NANP: variants seen among roughly 807,000 people sequenced by gnomAD.
NANP encodes N-acylneuraminate-9-phosphatase.
A neutral mutation model predicts 16.9 loss-of-function variants in NANP; 15 were observed. That is an observed-to-expected ratio of 0.89 (90% CI 0.59 to 1.37). The LOEUF (loss-of-function observed/expected upper bound fraction) is 1.37, where lower values mean the gene tolerates loss of function less well. NANP is among the 40% of genes most tolerant of loss of function. The pLI is 0.00. For synonymous variants in NANP, 135 were observed against 112.6 expected (o/e 1.20, Z -1.26); for missense variants, 290 against 303.5 (o/e 0.96, Z 0.33).
intron 1 of NANP, among the ~76,000 whole-genome samples, chr20:25,620,652 C>T (rs746929415): frequency 5.9e-5 from 9 of 152,172 alleles, no homozygotes; most frequent in Non-Finnish European, 7.3e-5. Context: ...CACTAACTTA[C>T]GCACACCCTT....
intron 1 of NANP, among the ~76,000 whole-genome samples, chr20:25,618,942 T>C (rs2065354241): frequency 6.6e-6 from 1 of 152,058 alleles, no homozygotes; most frequent in South Asian, 2.1e-4. Flanking sequence ...AAGTCAAACA[T>C]GCCAGGCAAT....
chr20:25,623,961 T>C lies in NANP; in HGVS notation c.-13A>G, dbSNP rs534649559. 20 of 1,611,024 alleles carry C rather than the reference T, an allele frequency of 1.2e-5. No individual in the cohort carries two copies. Among genetic ancestry groups the C allele is most frequent in the Non-Finnish European group, 1.6e-5 (19 of 1,179,122 alleles). On this transcript the variant is annotated 5_prime_UTR_variant, in exon 1 of 2. Transcript: ENST00000304788. Reference sequence around the variant, plus strand: ...GGCTCAGCCCCATAGCGCCGGCCGCTGGCGCGAACCGTAGCCTTGCCACCG... The same window carrying C: ...GGCTCAGCCCCATAGCGCCGGCCGCCGGCGCGAACCGTAGCCTTGCCACCG...
rs2065335967 is a variant in NANP, at chr20:25,614,805, T to A, written c.*1120A>T. The A allele has an allele frequency of 2.0e-5, 3 of 151,876 alleles. No homozygotes were observed. The South Asian group carries it at 6.2e-4, about 32-fold the overall frequency. 9.4% of individuals were successfully genotyped at this position (151,876 alleles called of 1,614,324 possible). ...GAATTCGAGACCAGCCTGGGCAACA[T>A]GGCAAAATCCCATCTCTACAAAAAC... is the stretch of plus-strand genomic sequence containing the variant. On this transcript the variant is annotated 3_prime_UTR_variant, in exon 2 of 2. Coordinates refer to ENST00000304788, the MANE Select transcript of NANP (RefSeq NM_152667.3).
In NANP at chr20:25,616,480, G is replaced by A. The variant is rs368325968; in HGVS notation, c.192C>T (p.Tyr64=). 7 of 1,613,782 alleles carry A rather than the reference G, an allele frequency of 4.3e-6. No homozygotes were observed. The highest frequency in any genetic ancestry group is 5.9e-6 in the Non-Finnish European group (7 of 1,179,944). ...VKLSKECFHP[Y]NTCITDLRTS... is the part of the protein sequence containing the mutation. ...TCCTTAAATCAGTAATGCATGTATT[G>A]TAAGGATGAAAACATTCCTTGCTGA... The change falls in exon 2 of 2, where the codon TAC becomes TAT. Residue 64 remains tyrosine, a synonymous_variant. Transcript: ENST00000304788.
At position 25,623,952 on chromosome 20, in the gene NANP, G is replaced by A. The variant is rs752356313; in HGVS notation, c.-4C>T. 11 of 1,611,626 alleles carry A rather than the reference G, an allele frequency of 6.8e-6. No homozygotes were observed. The highest frequency in any genetic ancestry group is 1.3e-5 in the African/African-American group (1 of 74,846). On this transcript the variant is annotated 5_prime_UTR_variant, in exon 1 of 2. Coordinates refer to ENST00000304788, the MANE Select transcript of NANP (RefSeq NM_152667.3). ...CCCGCACGCGGCTCAGCCCCATAGCGCCGGCCGCTGGCGCGAACCGTAGCC... is the reference window on the plus strand; with the variant it reads ...CCCGCACGCGGCTCAGCCCCATAGCACCGGCCGCTGGCGCGAACCGTAGCC...
At chr20:25,619,182 G>T (rs1218609390) in intron 1 of NANP, among the ~76,000 whole-genome samples, 1 of 149,172 alleles carries the variant, frequency 6.7e-6, no homozygotes, top group Non-Finnish European at 1.5e-5. Context: ...TGGATGGAGT[G>T]CAGTAGAGGA....
Position 25,616,476 on chromosome 20 carries a change from T to C in NANP, c.196A>G (p.Thr66Ala). 2 of 1,614,070 alleles carry C rather than the reference T, an allele frequency of 1.2e-6. No homozygotes were observed. The highest frequency in any genetic ancestry group is 1.7e-5 in the Admixed American group (1 of 60,026). The change falls in exon 2 of 2, where the codon ACA becomes GCA. Residue 66 changes from threonine to alanine, a missense_variant. Thr to Ala is a moderately conservative substitution (Grantham distance 58). Transcript: ENST00000304788. ...LSKECFHPYN[T>A]CITDLRTSHW... ...GAAGTCCTTAAATCAGTAATGCATG[T>C]ATTGTAAGGATGAAAACATTCCTTG...
rs776330487 is a variant in NANP at position 25,616,362 on chromosome 20, G to A, written c.310C>T (p.Arg104Cys). ...EECYFLWKST[R>C]LQHMTLAEDV... ...TCTGCTAGTGTCATATGCTGTAAAC[G>A]TGTAGATTTCCAAAGGAAATAACAT... The change falls in exon 2 of 2, where the codon CGT becomes TGT. Residue 104 changes from arginine (R) to cysteine (C), a missense_variant. Coordinates refer to ENST00000304788, the MANE Select transcript of NANP (RefSeq NM_152667.3). The A allele has an allele frequency of 5.0e-6, 8 of 1,614,106 alleles. No individual in the cohort carries two copies. In the East Asian group the frequency reaches 8.9e-5, roughly 18 times the overall value.
chr20:25,616,624 T>C, intron 1 of NANP, 43 bp from the exon 2 acceptor site: 5 of 1,428,968 alleles, frequency 3.5e-6, no homozygotes, highest in South Asian at 1.4e-5. Context: ...TGCATGTCTT[T>C]AGTAGTCATG....
In NANP at chr20:25,613,554, A is replaced by G; in HGVS notation, c.*2371T>C. 2 of 350,436 alleles carry G rather than the reference A, an allele frequency of 5.7e-6. No homozygotes were observed. Among genetic ancestry groups the G allele is most frequent in the Non-Finnish European group, 1.0e-5 (2 of 197,560 alleles). 21.7% of individuals were successfully genotyped at this position (350,436 alleles called of 1,614,324 possible). ...AACATCACCCATAATTTTAAGGAAT[A>G]TTATTCTAAAACAAAAAATATTAAT... On this transcript the variant is annotated 3_prime_UTR_variant, in exon 2 of 2. Coordinates refer to ENST00000304788, the MANE Select transcript of NANP (RefSeq NM_152667.3).
intron 1 of NANP, among the ~76,000 whole-genome samples, chr20:25,620,158 G>A (rs536562786): frequency 2.6e-5 from 4 of 152,248 alleles, no homozygotes; most frequent in Admixed American, 1.3e-4. Flanking sequence ...ATTAGTATGC[G>A]TTATTACAAA....
intron 1 of NANP, 147 bp downstream of exon 1, chr20:25,623,712 C>T (rs2065377598): frequency 1.3e-6 from 1 of 764,720 alleles, no homozygotes. Context: ...CTCCAGCCAC[C>T]TCCGCACCCG....
intron 1 of NANP, among the ~76,000 whole-genome samples, chr20:25,623,255 T>C (rs1432935106): frequency 6.6e-6 from 1 of 152,174 alleles, no homozygotes; most frequent in Non-Finnish European, 1.5e-5. Context: ...GGGCATGCCC[T>C]CGCAGCACGG....
At chr20:25,623,812 G>C (rs1477178514) in intron 1 of NANP, 47 bp downstream of exon 1, 1 of 1,555,682 alleles carries the variant, frequency 6.4e-7, no homozygotes. Context: ...GGACGGGGCG[G>C]GGCGCACTGA....
rs2065340501 is a variant in NANP, at chr20:25,615,755, G to C, written c.*170C>G. The stretch of plus-strand genomic sequence containing the variant: ...TATAAGTACCACTCAATGGTTGGTT[G>C]TTACAACTTAGAAGCAATAGGGTTG... On this transcript the variant is annotated 3_prime_UTR_variant, in exon 2 of 2. Transcript: ENST00000304788. 3 of 652,006 alleles carry C rather than the reference G, an allele frequency of 4.6e-6. No individual in the cohort carries two copies. The highest frequency in any genetic ancestry group is 5.6e-5 in the East Asian group (2 of 35,724). The allele number at this position is 652,006 out of a possible 1,614,324, so 40.4% of individuals were successfully genotyped here. A position where few individuals can be genotyped will look rare whatever the true frequency, so the allele number is the denominator to read the frequency against.
chr20:25,620,320 G>A (rs62211538), intron 1 of NANP, among the ~76,000 whole-genome samples: 3 of 152,148 alleles, frequency 2.0e-5, no homozygotes, highest in East Asian at 1.9e-4. Flanking sequence ...CAAGGTGCTC[G>A]CTGGCCTGAA....
rs1447164526 is a variant in NANP at position 25,616,566 on chromosome 20, G to C, written c.106C>G (p.Gln36Glu). ...RGMLEVIKLLQSKYHYKEEAE... is the reference protein window; with the variant it reads ...RGMLEVIKLLESKYHYKEEAE... ...TCTTCTTTATAATGGTATTTTGATT[G>C]TAAGAGTTTTATCACCTAAATAATG... The change falls in exon 2 of 2, where the codon CAA becomes GAA. Residue 36 changes from glutamine to glutamate, a missense_variant. Transcript: ENST00000304788. The C allele has an allele frequency of 3.5e-5, 55 of 1,589,016 alleles. No individual in the cohort carries two copies. Among genetic ancestry groups the C allele is most frequent in the Non-Finnish European group, 4.5e-5 (53 of 1,169,984 alleles).
intron 1 of NANP, 106 bp downstream of exon 1, chr20:25,623,753 G>A: frequency 8.9e-7 from 1 of 1,124,010 alleles, no homozygotes; most frequent in Non-Finnish European, 1.3e-6. Flanking sequence ...CAGCAAGAGC[G>A]GCCCGCGGCG....
chr20:25,613,042 T>C lies in NANP; in HGVS notation c.*2883A>G, dbSNP rs917391158. 1 of 152,100 alleles carries C rather than the reference T, an allele frequency of 6.6e-6. No homozygotes were observed. Among genetic ancestry groups the C allele is most frequent in the Non-Finnish European group, 1.5e-5 (1 of 68,024 alleles). The allele number at this position is 152,100 out of a possible 1,614,324, so 9.4% of individuals were successfully genotyped here. ...AAAAAGAATGGAATGAAAAATATCA[T>C]CACACGTAACAAGAATGTTTTATGA... On this transcript the variant is annotated 3_prime_UTR_variant, in exon 2 of 2. Coordinates refer to ENST00000304788, the MANE Select transcript of NANP (RefSeq NM_152667.3).
Sources: gnomAD v4.1 joint callset for allele counts (sites outside exome capture counted in the v4.1 genomes callset) on GRCh38, gnomAD v4.1.1 for gene constraint, MANE v1.5 for transcripts, NCBI Gene and HGNC (gene_info 2026-07-23, HGNC 2026-07-21) for gene names.